The following XKR6 variants were observed in gnomAD, a reference collection of about 807,000 sequenced individuals.
XKR6 encodes the protein XK-related protein 6.
A neutral mutation model predicts 56.7 loss-of-function variants in XKR6; 22 were observed. That is an observed-to-expected ratio of 0.39 (90% CI 0.28 to 0.55). The LOEUF is 0.55. XKR6 is among the 20% of genes least tolerant of loss of function. XKR6 has a pLI of 0.66. For missense variants in XKR6, 852 were observed against 889.0 expected, an observed-to-expected ratio of 0.96 and a Z score of 0.53; for synonymous variants, 524 against 387.8, an observed-to-expected ratio of 1.35 and a Z score of -4.13.
chr8:11,097,489 A>G (rs888980267), intron 1 of XKR6, among the ~76,000 whole-genome samples: 3 of 151,876 alleles, frequency 2.0e-5, no homozygotes, highest in Non-Finnish European at 4.4e-5. Flanking sequence ...TTTTTAAAAA[A>G]AAAAAGGCAA....
chr8:11,172,038 G>C (rs752591907), intron 1 of XKR6, among the ~76,000 whole-genome samples: 3 of 148,418 alleles, frequency 2.0e-5, no homozygotes, highest in Non-Finnish European at 3.0e-5. Context: ...GGGTGACAGA[G>C]CAAGATCCCC....
chr8:10,986,849 C>G (rs941695651), intron 1 of XKR6, among the ~76,000 whole-genome samples: 1 of 151,602 alleles, frequency 6.6e-6, no homozygotes, highest in Non-Finnish European at 1.5e-5. Context: ...AAACATAGCT[C>G]ACTGCAGCAT....
chr8:10,920,389 T>G (rs1800675415), intron 2 of XKR6, among the ~76,000 whole-genome samples: 1 of 152,088 alleles, frequency 6.6e-6, no homozygotes, highest in South Asian at 2.1e-4. Context: ...ATTTTAGAAA[T>G]GAGAAAAATG....
chr8:11,146,556 G>C (rs1800995287), intron 1 of XKR6, among the ~76,000 whole-genome samples: 1 of 147,484 alleles, frequency 6.8e-6, no homozygotes, highest in Non-Finnish European at 1.5e-5. Flanking sequence ...CTGAGCCTAG[G>C]AGAGAGAGGC....
At chr8:11,111,227 C>G (rs1036331779) in intron 1 of XKR6, among the ~76,000 whole-genome samples, 8 of 152,028 alleles carry the variant, frequency 5.3e-5, no homozygotes, top group Non-Finnish European at 1.2e-4. Context: ...CCCTTCCATT[C>G]ACACTGTCTA....
chr8:11,110,710 G>C (rs528990328), intron 1 of XKR6, among the ~76,000 whole-genome samples: 1 of 152,276 alleles, frequency 6.6e-6, no homozygotes, highest in Admixed American at 6.5e-5. Flanking sequence ...AGCCGCTCGA[G>C]GACTTTCTGA....
In XKR6 at chr8:10,897,105, C is replaced by T. The variant is rs1230125460; in HGVS notation, c.*847G>A. 5 of 152,564 alleles carry T rather than the reference C, an allele frequency of 3.3e-5. No homozygotes were observed. In the South Asian group the frequency reaches 6.2e-4, roughly 19 times the overall value. The allele number at this position is 152,564 out of a possible 1,614,324, so 9.5% of individuals were successfully genotyped here. On this transcript the variant is annotated 3_prime_UTR_variant, in exon 3 of 3. Coordinates refer to ENST00000416569, the MANE Select transcript of XKR6 (RefSeq NM_173683.4). ...TTCTGGTTTGCTTTTCACTGGGAAACGAATGTGATTCTTGCTAGGCAAATG... is the reference window on the plus strand; with the variant it reads ...TTCTGGTTTGCTTTTCACTGGGAAATGAATGTGATTCTTGCTAGGCAAATG...
chr8:11,023,311 C>G (rs1798788296), intron 1 of XKR6, among the ~76,000 whole-genome samples: 1 of 152,238 alleles, frequency 6.6e-6, no homozygotes, highest in African/African-American at 2.4e-5. Context: ...AGGCACCTCA[C>G]AGGCCCCCGA....
intron 1 of XKR6, among the ~76,000 whole-genome samples, chr8:11,056,377 T>A (rs1257171777): frequency 1.3e-5 from 2 of 152,220 alleles, no homozygotes; most frequent in African/African-American, 4.8e-5. Context: ...GTTCCCCAGT[T>A]GCTCCAGAAC....
intron 2 of XKR6, 106 bp downstream of exon 2, chr8:10,924,527 TG>T (rs1010617882): frequency 1.5e-6 from 2 of 1,376,008 alleles, no homozygotes; most frequent in African/African-American, 1.4e-5. Context: ...CAGGGCAGGA[TG>T]GGCAATGCCC....
rs1043692460 is a variant in XKR6, at chr8:10,954,823, G to C, written c.765-29993C>G. 5.0e-5 allele frequency among the ~76,000 whole-genome samples: 7 copies of C among 138,734 alleles called. No individual in the cohort carries two copies. In the Admixed American group the frequency reaches 5.1e-4, roughly 10 times the overall value. 91.0% of individuals were successfully genotyped at this position (138,734 alleles called of 152,430 possible). On this transcript the variant is annotated intron_variant, in intron 1 of 2. Coordinates refer to ENST00000416569, the MANE Select transcript of XKR6 (RefSeq NM_173683.4). ...TTTAGGTCTATGATGATTTTGACTT[G>C]TTTTTTTTTGTATGATGTAAGGTAA...
intron 1 of XKR6, among the ~76,000 whole-genome samples, chr8:10,961,076 T>C (rs1802045417): frequency 6.6e-6 from 1 of 151,844 alleles, no homozygotes; most frequent in Non-Finnish European, 1.5e-5. Flanking sequence ...AAGGTGAGTA[T>C]CGGAGGCATG....
intron 1 of XKR6, among the ~76,000 whole-genome samples, chr8:10,945,057 C>A (rs1172811898): frequency 2.0e-5 from 3 of 152,190 alleles, no homozygotes; most frequent in African/African-American, 2.4e-5. Context: ...CTGTAAACAT[C>A]CCAGGGCTCG....
At chr8:11,130,742 A>T (rs1368435976) in intron 1 of XKR6, among the ~76,000 whole-genome samples, 1 of 152,106 alleles carries the variant, frequency 6.6e-6, no homozygotes, top group Non-Finnish European at 1.5e-5. Context: ...TATGCTGAAC[A>T]AATAAGAAGT....
intron 1 of XKR6, among the ~76,000 whole-genome samples, chr8:11,130,655 G>A (rs1800060528): frequency 6.6e-6 from 1 of 151,062 alleles, no homozygotes; most frequent in Non-Finnish European, 1.5e-5. Context: ...TAAGGATGAT[G>A]TAAAAGGCCA....
chr8:11,181,994 A>G (rs867382570), intron 1 of XKR6, among the ~76,000 whole-genome samples: 39 of 152,202 alleles, frequency 2.6e-4, no homozygotes, highest in African/African-American at 6.5e-4. Context: ...CATGTTGCCC[A>G]GGCTGGTCTT....
At chr8:11,041,954 T>C (rs1242638823) in intron 1 of XKR6, among the ~76,000 whole-genome samples, 2 of 152,186 alleles carry the variant, frequency 1.3e-5, no homozygotes, top group African/African-American at 2.4e-5. Flanking sequence ...CCCACACTCA[T>C]TGTACTGTAT....
intron 1 of XKR6, among the ~76,000 whole-genome samples, chr8:11,083,663 C>T (rs1287247355): frequency 2.0e-5 from 3 of 152,158 alleles, no homozygotes; most frequent in African/African-American, 4.8e-5. Context: ...ATATTTATCT[C>T]ACAATTATAC....
chr8:11,061,840 G>A (rs1180024973), intron 1 of XKR6, among the ~76,000 whole-genome samples: 1 of 152,184 alleles, frequency 6.6e-6, no homozygotes, highest in Non-Finnish European at 1.5e-5. Flanking sequence ...GATGGGGCGA[G>A]GACATCACTG....
Sources: allele counts gnomAD v4.1 joint callset (sites outside exome capture counted in the v4.1 genomes callset), GRCh38; gene constraint gnomAD v4.1.1; transcripts MANE v1.5; gene names NCBI Gene and HGNC (gene_info 2026-07-23, HGNC 2026-07-21).